Variants in BLTP1 observed in about 807,000 individuals in gnomAD.
BLTP1 encodes bridge-like lipid transfer protein family member 1.
At chr4:122,211,774 A>G in the BLTP1 span, among the ~76,000 whole-genome samples, 2 of 152,110 alleles carry the variant, frequency 1.3e-5, no homozygotes, top group African/African-American at 4.8e-5. Context: ...CTATTTTTGG[A>G]TAAATATTTG....
the BLTP1 span, chr4:122,203,866 A>C: frequency 4.1e-6 from 2 of 485,350 alleles, no homozygotes; most frequent in Non-Finnish European, 5.4e-6. Context: ...TAAAATAATA[A>C]GATTTGTTAA....
chr4:122,300,055 G>T, the BLTP1 span, among the ~76,000 whole-genome samples: 2 of 152,030 alleles, frequency 1.3e-5, no homozygotes, highest in Non-Finnish European at 2.9e-5. Context: ...ATCCAGGCTG[G>T]AATGTAGTGG....
the BLTP1 span, chr4:122,174,474 T>C: frequency 5.9e-6 from 9 of 1,517,830 alleles, no homozygotes; most frequent in Non-Finnish European, 7.1e-6. Flanking sequence ...GAAGAGATGC[T>C]TATTGAATAA....
At chr4:122,231,517 T>C in the BLTP1 span, 7 of 354,908 alleles carry the variant, frequency 2.0e-5, no homozygotes, top group Non-Finnish European at 2.8e-5. Flanking sequence ...CTTTTTGTGA[T>C]CTCTGTTGCT....
the BLTP1 span, among the ~76,000 whole-genome samples, chr4:122,312,525 AT>A: frequency 6.2e-4 from 94 of 152,266 alleles, no homozygotes; most frequent in African/African-American, 2.3e-3. Context: ...TATTGTTCAG[AT>A]TTGTAACCAT....
At chr4:122,317,550 C>T in the BLTP1 span, among the ~76,000 whole-genome samples, 1 of 151,586 alleles carries the variant, frequency 6.6e-6, no homozygotes, top group African/African-American at 2.4e-5. Flanking sequence ...AGTAAATATT[C>T]TTGTTGCTAA....
the BLTP1 span, among the ~76,000 whole-genome samples, chr4:122,210,650 A>AT: frequency 6.6e-6 from 1 of 152,088 alleles, no homozygotes; most frequent in African/African-American, 2.4e-5. Context: ...GTTTTCATTG[A>AT]TTCTCTGCAG....
chr4:122,217,877 T>G, the BLTP1 span, among the ~76,000 whole-genome samples: 5 of 152,070 alleles, frequency 3.3e-5, no homozygotes, highest in Admixed American at 3.3e-4. Flanking sequence ...AAAAATTACT[T>G]TTTCTCTCTC....
At chr4:122,362,394 G>A in the BLTP1 span, 4 of 629,284 alleles carry the variant, frequency 6.4e-6, no homozygotes, top group Non-Finnish European at 1.1e-5. Context: ...ACCTGTTCTA[G>A]TTCCATCATT....
At chr4:122,303,426 C>T in the BLTP1 span, among the ~76,000 whole-genome samples, 1 of 152,196 alleles carries the variant, frequency 6.6e-6, no homozygotes, top group East Asian at 1.9e-4. Context: ...TTATGCCTAA[C>T]ACATTTCTTC....
the BLTP1 span, chr4:122,298,677 T>G: frequency 3.2e-6 from 2 of 615,948 alleles, no homozygotes; most frequent in Non-Finnish European, 2.0e-6. Flanking sequence ...AAACATATAA[T>G]AATAAAAAGA....
the BLTP1 span, among the ~76,000 whole-genome samples, chr4:122,238,566 T>C: frequency 4.6e-5 from 7 of 152,202 alleles, no homozygotes; most frequent in Non-Finnish European, 1.0e-4. Context: ...TACAGGAAAG[T>C]GTAATGAAAG....
chr4:122,271,649 T>G, the BLTP1 span: 1 of 1,611,334 alleles, frequency 6.2e-7, no homozygotes, highest in Non-Finnish European at 8.5e-7. Flanking sequence ...TATGTATAAA[T>G]TGCTTAACTT....
the BLTP1 span, among the ~76,000 whole-genome samples, chr4:122,327,658 A>T: frequency 6.6e-6 from 1 of 150,446 alleles, no homozygotes; most frequent in African/African-American, 2.5e-5. Context: ...CTTTTAAAAG[A>T]TCCACAAAAA....
the BLTP1 span, chr4:122,299,138 A>AT: frequency 1.0e-6 from 1 of 984,860 alleles, no homozygotes; most frequent in Non-Finnish European, 1.2e-6. Context: ...AGAAATGTGT[A>AT]TTTTTTGGCA....
At chr4:122,261,783 A>G in the BLTP1 span, 1 of 978,478 alleles carries the variant, frequency 1.0e-6, no homozygotes, top group Non-Finnish European at 1.2e-6. Context: ...AAATAAGCTA[A>G]TACATGAAAC....
At chr4:122,226,408 T>C in the BLTP1 span, 1 of 1,124,768 alleles carries the variant, frequency 8.9e-7, no homozygotes, top group Non-Finnish European at 1.1e-6. Context: ...AGAGGGAAGA[T>C]ATATAACCTT....
At chr4:122,290,021 G>A in the BLTP1 span, 38,140 of 152,986 alleles carry the variant, frequency 0.25, 5,723 homozygotes, top group Middle Eastern at 0.48. Context: ...TAGAGAGGAC[G>A]CAGACAGAGC....
chr4:122,179,825 A>C, the BLTP1 span: 7 of 984,848 alleles, frequency 7.1e-6, no homozygotes, highest in Non-Finnish European at 8.4e-6. Flanking sequence ...TAGTACACTC[A>C]CTGTATCCCC....
Sources: gnomAD v4.1 joint callset for allele counts (sites outside exome capture counted in the v4.1 genomes callset) on GRCh38, gnomAD v4.1.1 for gene constraint, MANE v1.5 for transcripts, NCBI Gene and HGNC (gene_info 2026-07-23, HGNC 2026-07-21) for gene names.